METTL25: variants seen among roughly 807,000 people sequenced by gnomAD.
METTL25 encodes probable methyltransferase-like protein 25.
A neutral mutation model predicts 71.6 loss-of-function variants in METTL25; 64 were observed. That is an observed-to-expected ratio of 0.89 (90% CI 0.73 to 1.10). The LOEUF (loss-of-function observed/expected upper bound fraction) is 1.10. Ranked by LOEUF, METTL25 falls within the 50% of genes least tolerant of loss-of-function variation. The probability of loss-of-function intolerance (pLI) is 0.00; values close to 1 mark genes in which losing one functional copy is unlikely to be tolerated. For synonymous variants in METTL25, 287 were observed against 250.3 expected, an observed-to-expected ratio of 1.15 and a Z score of -1.38; for missense variants, 807 against 707.0, an observed-to-expected ratio of 1.14 and a Z score of -1.60.
chr12:82,400,415 T>A (rs551613503), intron 4 of METTL25, among the ~76,000 whole-genome samples: 1 of 152,206 alleles, frequency 6.6e-6, no homozygotes, highest in African/African-American at 2.4e-5. Flanking sequence ...CCTTGTTTGA[T>A]AGCTGACCAT....
At chr12:82,437,063 G>A (rs1265499384) in intron 7 of METTL25, among the ~76,000 whole-genome samples, 1 of 151,524 alleles carries the variant, frequency 6.6e-6, no homozygotes, top group Non-Finnish European at 1.5e-5. Context: ...TGGTGCTGTA[G>A]AAAAAGTTAT....
intron 1 of METTL25, among the ~76,000 whole-genome samples, chr12:82,370,585 C>G (rs1883113752): frequency 6.6e-6 from 1 of 152,210 alleles, no homozygotes; most frequent in South Asian, 2.1e-4. Context: ...TGGACAGTCA[C>G]TGCTGCCAAA....
chr12:82,419,544 A>G (rs971308159), intron 5 of METTL25, among the ~76,000 whole-genome samples: 2 of 152,112 alleles, frequency 1.3e-5, no homozygotes, highest in African/African-American at 4.8e-5. Flanking sequence ...CTGGCCATGC[A>G]GAACCCCGTA....
chr12:82,449,400 G>T (rs756004095), intron 8 of METTL25, among the ~76,000 whole-genome samples: 9 of 152,140 alleles, frequency 5.9e-5, no homozygotes, highest in Non-Finnish European at 1.3e-4. Context: ...ACCATGAACA[G>T]CTGCCCATGC....
intron 1 of METTL25, among the ~76,000 whole-genome samples, chr12:82,372,839 G>A (rs1313858202): frequency 2.6e-5 from 4 of 152,092 alleles, no homozygotes; most frequent in Non-Finnish European, 4.4e-5. Context: ...CTTGCTGATT[G>A]GAATAGTTGC....
At chr12:82,470,012 C>A (rs538234035) in intron 9 of METTL25, among the ~76,000 whole-genome samples, 1 of 152,112 alleles carries the variant, frequency 6.6e-6, no homozygotes, top group African/African-American at 2.4e-5. Flanking sequence ...CCAACATGAA[C>A]GCTTTAGAAT....
chr12:82,359,696 C>G (rs1426910931), intron 1 of METTL25, among the ~76,000 whole-genome samples: 1 of 152,138 alleles, frequency 6.6e-6, no homozygotes, highest in Non-Finnish European at 1.5e-5. Flanking sequence ...TTTTTGTAGG[C>G]TCAAGCTTTT....
chr12:82,470,570 G>A (rs909900498), intron 9 of METTL25, among the ~76,000 whole-genome samples: 15 of 151,892 alleles, frequency 9.9e-5, no homozygotes, highest in Non-Finnish European at 1.5e-4. Context: ...AAGAAGACAG[G>A]GCAGAAATGA....
At chr12:82,463,734 T>G (rs2137278988) in intron 9 of METTL25, among the ~76,000 whole-genome samples, 1 of 152,154 alleles carries the variant, frequency 6.6e-6, no homozygotes, top group South Asian at 2.1e-4. Flanking sequence ...CTCTGCATCC[T>G]TGCCAACATT....
At chr12:82,422,692 G>A (rs1565851752) in intron 5 of METTL25, among the ~76,000 whole-genome samples, 1 of 152,180 alleles carries the variant, frequency 6.6e-6, no homozygotes, top group Non-Finnish European at 1.5e-5. Flanking sequence ...AGCAACTTCA[G>A]CAAAGTCTCA....
chr12:82,444,186 GAAAAGCAGCTCTAATTCATCTGGCAAC>G (rs1890575348), intron 8 of METTL25, among the ~76,000 whole-genome samples: 1 of 152,074 alleles, frequency 6.6e-6, no homozygotes, highest in Non-Finnish European at 1.5e-5. Flanking sequence ...AGCAGCAAGG[GAAAAGCAGCTCTAATTCATCTGGCAAC>G]AAACTTCTCA....
Position 82,399,086 on chromosome 12 carries a change from T to C in METTL25, c.823T>C (p.Ser275Pro). 1 of 1,613,396 alleles carries C rather than the reference T, an allele frequency of 6.2e-7. No homozygotes were observed. The highest frequency in any genetic ancestry group is 8.5e-7 in the Non-Finnish European group (1 of 1,179,544). ...SPTNQEKMPT[S>P]AILPDFSGSV... is the part of the protein sequence containing the mutation. ...TACAAATCAAGAAAAGATGCCTACC[T>C]CAGCTATTTTGCCTGATTTTTCTGG... Residue 275 changes from serine to proline, a missense_variant, in exon 4 of 12, where the codon TCA (serine) becomes CCA (proline). Coordinates refer to ENST00000248306, the MANE Select transcript of METTL25 (RefSeq NM_032230.3).
At chr12:82,368,729 C>A (rs1302796582) in intron 1 of METTL25, among the ~76,000 whole-genome samples, 2 of 152,160 alleles carry the variant, frequency 1.3e-5, no homozygotes, top group African/African-American at 2.4e-5. Context: ...AATATTTTAT[C>A]CTCAGACCTT....
intron 2 of METTL25, among the ~76,000 whole-genome samples, chr12:82,389,479 T>G: frequency 6.6e-6 from 1 of 152,044 alleles, no homozygotes; most frequent in East Asian, 1.9e-4. Flanking sequence ...TCTCTGTAGA[T>G]ATATGTGTTG....
At chr12:82,394,519 C>G (rs990850326) in intron 3 of METTL25, among the ~76,000 whole-genome samples, 3 of 152,040 alleles carry the variant, frequency 2.0e-5, no homozygotes, top group African/African-American at 4.8e-5. Flanking sequence ...AACATGTTCA[C>G]TCATTCATAC....
Position 82,478,921 on chromosome 12 carries a change from T to C in METTL25, c.1720-11T>C, listed in dbSNP as rs1408865805. 4.4e-6 allele frequency: 7 copies of C among 1,604,862 alleles called. No homozygotes were observed. Among genetic ancestry groups the C allele is most frequent in the Middle Eastern group, 1.7e-4 (1 of 6,054 alleles). On this transcript the variant is annotated splice_polypyrimidine_tract_variant and intron_variant, in intron 11 of 11. Coordinates refer to ENST00000248306, the MANE Select transcript of METTL25 (RefSeq NM_032230.3). ...AATGGTTGTATATCTAAATCACTTA[T>C]TAATTTACAGGAAGATATTGCATGG...
Position 82,477,329 on chromosome 12 carries a change from C to A in METTL25, c.1696C>A (p.Arg566=), listed in dbSNP as rs1283456243. 1.9e-6 allele frequency: 3 copies of A among 1,559,744 alleles called. No homozygotes were observed. Among genetic ancestry groups the A allele is most frequent in the Non-Finnish European group, 2.6e-6 (3 of 1,152,050 alleles). The change falls in exon 11 of 12, where the codon CGA becomes AGA. Residue 566 remains arginine, a synonymous_variant. Coordinates refer to ENST00000248306, the MANE Select transcript of METTL25 (RefSeq NM_032230.3). ...PCIETLILLD[R]LCYLKEQEDI... ...TATAGAGACTTTGATTCTTCTGGAT[C>A]GACTTTGTTACCTGAAAGAGCAGGT...
chr12:82,376,207 A>G (rs1883837387), intron 1 of METTL25, among the ~76,000 whole-genome samples: 1 of 152,216 alleles, frequency 6.6e-6, no homozygotes, highest in Non-Finnish European at 1.5e-5. Flanking sequence ...ATCGAAAACT[A>G]GTTGATTTCA....
chr12:82,463,547 G>C (rs1172758041), intron 9 of METTL25, among the ~76,000 whole-genome samples: 1 of 151,912 alleles, frequency 6.6e-6, no homozygotes, highest in Non-Finnish European at 1.5e-5. Context: ...GTAAACATAG[G>C]GATGCAGATA....
Sources: gnomAD v4.1 joint callset for allele counts (sites outside exome capture counted in the v4.1 genomes callset) on GRCh38, gnomAD v4.1.1 for gene constraint, MANE v1.5 for transcripts, NCBI Gene and HGNC (gene_info 2026-07-23, HGNC 2026-07-21) for gene names.